GLCCI1: variants seen among roughly 807,000 people sequenced by gnomAD.
GLCCI1 encodes glucocorticoid induced 1.
In GLCCI1, 24 loss-of-function variants were observed where a neutral mutation model predicts 52.2. The observed-to-expected ratio is 0.46, with a 90% CI of 0.33 to 0.65. The LOEUF (loss-of-function observed/expected upper bound fraction) is 0.65, where lower values mean the gene tolerates loss of function less well. Among genes scored for constraint, GLCCI1 ranks in the 30% least tolerant of loss-of-function variants. The pLI is 0.02. For synonymous variants in GLCCI1, 310 were observed against 276.5 expected (o/e 1.12, Z -1.20); for missense variants, 704 against 701.5 (o/e 1.00, Z -0.04).
chr7:8,078,142 G>A (rs1782915388), intron 6 of GLCCI1, among the ~76,000 whole-genome samples: 1 of 146,602 alleles, frequency 6.8e-6, no homozygotes. Context: ...GCTGAGGCAG[G>A]AGAATGGCAT....
At chr7:8,072,978 C>CACTT (rs1782796281) in intron 6 of GLCCI1, among the ~76,000 whole-genome samples, 1 of 152,106 alleles carries the variant, frequency 6.6e-6, no homozygotes, top group African/African-American at 2.4e-5. Flanking sequence ...CACAGGTCTT[C>CACTT]ACTTACATCA....
chr7:8,060,860 G>A (rs1255012731), intron 5 of GLCCI1, among the ~76,000 whole-genome samples: 1 of 152,098 alleles, frequency 6.6e-6, no homozygotes, highest in African/African-American at 2.4e-5. Flanking sequence ...TGCTAACATG[G>A]TAACTCTATG....
chr7:7,969,847 C>A lies in GLCCI1; in HGVS notation c.457+40C>A. ...CCTCCCGTCCTCCCGGGCTGCGTCT[C>A]CCCGACGGTGCCCTCCGTGGAAACT... is the stretch of plus-strand genomic sequence containing the variant. On this transcript the variant is annotated intron_variant, in intron 1 of 7. Coordinates refer to ENST00000223145, the MANE Select transcript of GLCCI1 (RefSeq NM_138426.4). The surrounding 1 kb of genome is among the most constrained non-coding windows in gnomAD (Gnocchi z 4.9). 1 of 1,367,066 alleles carries A rather than the reference C, an allele frequency of 7.3e-7. No homozygotes were observed. Among genetic ancestry groups the A allele is most frequent in the Non-Finnish European group, 9.5e-7 (1 of 1,052,876 alleles). The allele number at this position is 1,367,066 out of a possible 1,614,324, so 84.7% of individuals were successfully genotyped here. A position where few individuals can be genotyped will look rare whatever the true frequency, so the allele number is the denominator to read the frequency against.
rs566410055 is a variant in GLCCI1, at chr7:8,077,231, C to T, written c.1177+6100C>T. Among the ~76,000 whole-genome samples, 10 of 152,264 alleles carry T rather than the reference C, an allele frequency of 6.6e-5. No individual in the cohort carries two copies. The South Asian group carries it at 1.2e-3, about 19-fold the overall frequency. Reference sequence around the variant, plus strand: ...GGAAAAGGGAATCTGTTGGAGTTTTCCTCCCCCATTATCTTTTGTGTTCCT... The same window carrying T: ...GGAAAAGGGAATCTGTTGGAGTTTTTCTCCCCCATTATCTTTTGTGTTCCT... On this transcript the variant is annotated intron_variant, in intron 6 of 7. Transcript: ENST00000223145.
At chr7:8,006,728 G>C (rs975297373) in intron 2 of GLCCI1, among the ~76,000 whole-genome samples, 14 of 152,162 alleles carry the variant, frequency 9.2e-5, no homozygotes, top group African/African-American at 3.4e-4. Context: ...TTTAAACTAA[G>C]AATTCTCAGA....
chr7:8,039,595 G>A lies in GLCCI1; in HGVS notation c.697-15838G>A, dbSNP rs148056514. ...GGGAGCTTAAAAATATGTATACATG[G>A]ACATAGAGAGTAGAATAATAGACAT... On this transcript the variant is annotated intron_variant, in intron 3 of 7. Transcript: ENST00000223145. Among the ~76,000 whole-genome samples, 670 of 152,270 alleles carry A rather than the reference G, an allele frequency of 4.4e-3. 4 individuals are homozygous for A. Among genetic ancestry groups the A allele is most frequent in the Non-Finnish European group, 6.9e-3 (467 of 68,016 alleles).
At chr7:7,999,472 G>A (rs1267414805) in intron 1 of GLCCI1, among the ~76,000 whole-genome samples, 2 of 152,136 alleles carry the variant, frequency 1.3e-5, no homozygotes, top group South Asian at 2.1e-4. Flanking sequence ...GCCAGATGTG[G>A]TGGTGCACAC....
At chr7:8,066,315 CTCAT>C (rs1161039828) in intron 5 of GLCCI1, among the ~76,000 whole-genome samples, 1 of 151,962 alleles carries the variant, frequency 6.6e-6, no homozygotes, top group African/African-American at 2.4e-5. Context: ...AGCAGTCTCT[CTCAT>C]TCTTTCAAAG....
chr7:8,072,673 G>C (rs1782788955), intron 6 of GLCCI1, among the ~76,000 whole-genome samples: 2 of 152,148 alleles, frequency 1.3e-5, no homozygotes, highest in Non-Finnish European at 2.9e-5. Flanking sequence ...GGTAAATGGA[G>C]AAACCAGTCT....
Position 8,004,787 on chromosome 7 carries a change from G to A in GLCCI1, c.609+728G>A, listed in dbSNP as rs553389863. On this transcript the variant is annotated intron_variant, in intron 2 of 7. Transcript: ENST00000223145. The stretch of plus-strand genomic sequence containing the variant: ...AAAAGAAGACAGTGTATAATTCGAC[G>A]TTAGATGAATGGAGTATGTAAATGT... Among the ~76,000 whole-genome samples the A allele has an allele frequency of 2.8e-4, 43 of 152,300 alleles. No homozygotes were observed. In the South Asian group the frequency reaches 8.1e-3, roughly 29 times the overall value.
chr7:7,990,037 A>AG (rs138379451), intron 1 of GLCCI1, among the ~76,000 whole-genome samples: 3,034 of 152,192 alleles, frequency 0.02, 90 homozygotes, highest in African/African-American at 0.069. Context: ...TCAGAAGTGA[A>AG]GGGAGAGAGA....
At chr7:8,049,519 TTTCA>T (rs1782210300) in intron 3 of GLCCI1, among the ~76,000 whole-genome samples, 3 of 152,306 alleles carry the variant, frequency 2.0e-5, no homozygotes, top group South Asian at 4.1e-4. Flanking sequence ...TTTATAATGC[TTTCA>T]TTATCTTTTA....
intron 1 of GLCCI1, among the ~76,000 whole-genome samples, chr7:7,992,043 TTTTCTTTCTTTCTTTCTTTCTTTCTTTC>T (rs60028694): frequency 1.9e-4 from 25 of 128,820 alleles, no homozygotes; most frequent in South Asian, 1.3e-3. Flanking sequence ...AGAATTTATT[TTTTCTTTCTTTCTTTCTTTCTTTCTTTC>T]TTTCTTTCTT....
rs921440027 is a variant in GLCCI1 at position 7,982,044 on chromosome 7, G to C, written c.457+12237G>C. 35 of 461,356 alleles carry C rather than the reference G, an allele frequency of 7.6e-5. No individual in the cohort carries two copies. In the Admixed American group the frequency reaches 8.8e-4, roughly 12 times the overall value. 28.6% of individuals were successfully genotyped at this position (461,356 alleles called of 1,614,324 possible). On this transcript the variant is annotated intron_variant, in intron 1 of 7. Transcript: ENST00000223145. ...GAAGAAGAAAGCTGTTGGGAGAAAT[G>C]AAAGAGTAAAAAGAGAGACCGAACT...
At chr7:8,031,075 G>A (rs1244145580) in intron 3 of GLCCI1, among the ~76,000 whole-genome samples, 1 of 152,140 alleles carries the variant, frequency 6.6e-6, no homozygotes, top group East Asian at 1.9e-4. Flanking sequence ...ATATTGAAGA[G>A]ATATCTGCAC....
At chr7:8,056,453 CTG>C (rs889294578) in intron 4 of GLCCI1, among the ~76,000 whole-genome samples, 2 of 152,200 alleles carry the variant, frequency 1.3e-5, no homozygotes, top group Non-Finnish European at 2.9e-5. Context: ...CCATCTTTCT[CTG>C]TGTCTCTATG....
chr7:8,085,130 G>C (rs1278231237), intron 7 of GLCCI1, 113 bp downstream of exon 7: 2 of 1,191,564 alleles, frequency 1.7e-6, no homozygotes, highest in African/African-American at 3.1e-5. Context: ...TGTGTTTCAA[G>C]AGCAAATTAT....
At chr7:8,025,002 G>A (rs952458057) in intron 3 of GLCCI1, among the ~76,000 whole-genome samples, 2 of 152,172 alleles carry the variant, frequency 1.3e-5, no homozygotes, top group African/African-American at 2.4e-5. Context: ...AACAGAGAGG[G>A]CCAACAGCTT....
At chr7:8,039,014 T>A (rs999818487) in intron 3 of GLCCI1, among the ~76,000 whole-genome samples, 2 of 152,094 alleles carry the variant, frequency 1.3e-5, no homozygotes, top group African/African-American at 4.8e-5. Context: ...TGAAAAATGC[T>A]CAGTATCACT....
Sources: gnomAD v4.1 joint callset for allele counts (sites outside exome capture counted in the v4.1 genomes callset) on GRCh38, gnomAD v4.1.1 for gene constraint, Gnocchi (gnomAD v3.1) non-coding constraint, MANE v1.5 for transcripts, NCBI Gene and HGNC (gene_info 2026-07-23, HGNC 2026-07-21) for gene names.